BCL11A: variants seen among roughly 807,000 people sequenced by gnomAD.
BCL11A encodes B cell CLL/lymphoma 11A.
A neutral mutation model predicts 55.9 loss-of-function variants in BCL11A; 2 were observed. The observed-to-expected ratio is 0.04, with a 90% CI of 0.01 to 0.11. The LOEUF is 0.11. Among genes scored for constraint, BCL11A ranks in the 10% least tolerant of loss-of-function variants. BCL11A has a pLI of 1.00. For synonymous variants in BCL11A, 465 were observed against 473.4 expected, an observed-to-expected ratio of 0.98 and a Z score of 0.23; for missense variants, 817 against 1,137.1, an observed-to-expected ratio of 0.72 and a Z score of 4.05.
At chr2:60,502,076 G>A (rs922248146) in intron 2 of BCL11A, among the ~76,000 whole-genome samples, 1 of 152,198 alleles carries the variant, frequency 6.6e-6, no homozygotes, top group African/African-American at 2.4e-5. Context: ...TCACTCCACA[G>A]AGAAGCTGTA....
chr2:60,531,688 T>A, intron 2 of BCL11A, among the ~76,000 whole-genome samples: 1 of 152,288 alleles, frequency 6.6e-6, no homozygotes, highest in East Asian at 1.9e-4. Context: ...TGCCCTGGCA[T>A]TGGGGGGCCC....
intron 2 of BCL11A, among the ~76,000 whole-genome samples, chr2:60,486,024 C>T (rs772098189): frequency 8.5e-5 from 13 of 152,062 alleles, no homozygotes; most frequent in Non-Finnish European, 1.6e-4. Flanking sequence ...CAAAAAAAAT[C>T]TTTTTAGTAT....
In BCL11A at chr2:60,545,952, C is replaced by A; in HGVS notation, c.385+19G>T. The A allele has an allele frequency of 6.2e-7, 1 of 1,602,150 alleles. No individual in the cohort carries two copies. Among genetic ancestry groups the A allele is most frequent in the Non-Finnish European group, 8.5e-7 (1 of 1,172,192 alleles). On this transcript the variant is annotated intron_variant, in intron 2 of 3. Transcript: ENST00000642384. ...AAAAGAAAACATGCAAACAGCTTTT[C>A]TCCTTGCTTCTCATTTACCTGCTAT...
intron 2 of BCL11A, among the ~76,000 whole-genome samples, chr2:60,475,789 A>G (rs1558627421): frequency 1.3e-5 from 2 of 152,064 alleles, no homozygotes; most frequent in Non-Finnish European, 2.9e-5. Context: ...TTTGGGAGCT[A>G]CTTTCAGAGA....
At chr2:60,479,959 A>G (rs1372787793) in intron 2 of BCL11A, among the ~76,000 whole-genome samples, 2 of 152,226 alleles carry the variant, frequency 1.3e-5, no homozygotes, top group Non-Finnish European at 2.9e-5. Flanking sequence ...ACAGGTTGGG[A>G]CAACTCCACT....
chr2:60,543,588 T>C (rs940820037), intron 2 of BCL11A: 1 of 152,218 alleles, frequency 6.6e-6, no homozygotes, highest in African/African-American at 2.4e-5. Context: ...GAATGTTAAC[T>C]TCACCATAGG....
Position 60,541,932 on chromosome 2 carries a change from G to A in BCL11A, c.385+4039C>T, listed in dbSNP as rs948665347. ...TCCTCCAGTTCAGTCTGAGCTAGGA[G>A]AGAATCAGAATGGATACAAAAAGAA... On this transcript the variant is annotated intron_variant, in intron 2 of 3. Transcript: ENST00000642384. 1.1e-5 allele frequency: 8 copies of A among 705,114 alleles called. No homozygotes were observed. In the African/African-American group the frequency reaches 1.2e-4, roughly 11 times the overall value. The allele number at this position is 705,114 out of a possible 1,614,324, so 43.7% of individuals were successfully genotyped here. A position where few individuals can be genotyped will look rare whatever the true frequency, so the allele number is the denominator to read the frequency against.
intron 1 of BCL11A, among the ~76,000 whole-genome samples, chr2:60,547,393 T>C (rs1483118882): frequency 6.6e-6 from 1 of 152,044 alleles, no homozygotes; most frequent in Non-Finnish European, 1.5e-5. Context: ...CTTTTTTTTT[T>C]AACTTTGTAC....
chr2:60,492,455 G>T (rs1480946580), intron 2 of BCL11A, among the ~76,000 whole-genome samples: 2 of 152,110 alleles, frequency 1.3e-5, no homozygotes, highest in Non-Finnish European at 2.9e-5. Context: ...AACTTAGTTG[G>T]GTACTCCCTC....
In BCL11A at chr2:60,541,332, A is replaced by AT. The variant is rs556595609; in HGVS notation, c.385+4638dup. On this transcript the variant is annotated intron_variant, in intron 2 of 3. Transcript: ENST00000642384. ...TTAGGATCTTCTACATTTTAGATAT[A>AT]TTTTTTTTTTCCTTTTGGCTTTCCT... 3.0e-4 allele frequency among the ~76,000 whole-genome samples: 45 copies of AT among 150,064 alleles called. 2 individuals carry two copies. The highest frequency in any genetic ancestry group is 3.0e-3 in the South Asian group (14 of 4,720).
At position 60,461,800 on chromosome 2, in the gene BCL11A, T is replaced by C; in HGVS notation, c.1112A>G (p.Gln371Arg). The C allele has an allele frequency of 1.0e-6, 1 of 984,052 alleles. No homozygotes were observed. Among genetic ancestry groups the C allele is most frequent in the South Asian group, 1.9e-5 (1 of 51,588 alleles). 61.0% of individuals were successfully genotyped at this position (984,052 alleles called of 1,614,324 possible). A position where few individuals can be genotyped will look rare whatever the true frequency, so the allele number is the denominator to read the frequency against. Residue 371 changes from glutamine to arginine, a missense_variant, in exon 4 of 4, where the codon CAG (glutamine) becomes CGG (arginine). Gln to Arg is a conservative substitution (Grantham distance 43). Coordinates refer to ENST00000642384, the MANE Select transcript of BCL11A (RefSeq NM_022893.4). The part of the protein sequence containing the change: ...PPLQSAPPPS[Q>R]PPVKSKSCEF... ...GCATGACTTGGACTTGACCGGGGGCTGGGAGGGAGGAGGGGCGGATTGCAG... is the reference window on the plus strand; with the variant it reads ...GCATGACTTGGACTTGACCGGGGGCCGGGAGGGAGGAGGGGCGGATTGCAG...
At chr2:60,495,669 T>G (rs1678904539) in intron 2 of BCL11A, 1 of 152,274 alleles carries the variant, frequency 6.6e-6, no homozygotes, top group Non-Finnish European at 1.5e-5. Context: ...CAGACACACG[T>G]ATGTGTTGTG....
At chr2:60,552,972 T>C (rs1042173620) in intron 1 of BCL11A, among the ~76,000 whole-genome samples, 4 of 151,708 alleles carry the variant, frequency 2.6e-5, no homozygotes, top group Non-Finnish European at 5.9e-5. Context: ...AGGAGTCAAA[T>C]TTTTGTAAAA....
At position 60,468,847 on chromosome 2, in the gene BCL11A, C is replaced by G. The variant is rs963622851; in HGVS notation, c.386-14G>C. 1 of 1,567,618 alleles carries G rather than the reference C, an allele frequency of 6.4e-7. No homozygotes were observed. Among genetic ancestry groups the G allele is most frequent in the Admixed American group, 1.8e-5 (1 of 56,814 alleles). The stretch of plus-strand genomic sequence containing the variant: ...GCAGAAGTTTATCTGTGAAAGAAAC[C>G]CAAAATCAAGCACTACAGCTACAAA... On this transcript the variant is annotated splice_polypyrimidine_tract_variant and intron_variant, in intron 2 of 3. Transcript: ENST00000642384.
chr2:60,500,709 C>T (rs958954054), intron 2 of BCL11A, among the ~76,000 whole-genome samples: 1 of 152,184 alleles, frequency 6.6e-6, no homozygotes, highest in South Asian at 2.1e-4. Context: ...AAACCTGGAA[C>T]TCACAGTCGG....
intron 3 of BCL11A, among the ~76,000 whole-genome samples, chr2:60,467,974 GGTAGTGATGGTGGTGGTA>G: frequency 7.7e-6 from 1 of 130,360 alleles, no homozygotes; most frequent in African/African-American, 2.9e-5. Flanking sequence ...TGGTGGTGGT[GGTAGTGATGGTGGTGGTA>G]ATGGTGGTGG....
At chr2:60,517,230 C>T (rs577480393) in intron 2 of BCL11A, among the ~76,000 whole-genome samples, 3 of 152,286 alleles carry the variant, frequency 2.0e-5, no homozygotes, top group Middle Eastern at 3.4e-3. Flanking sequence ...AGAGGGTACA[C>T]GTTCCTTCAC....
In BCL11A at chr2:60,451,689, C is replaced by G. The variant is rs886626127; in HGVS notation, c.*886G>C. On this transcript the variant is annotated 3_prime_UTR_variant, in exon 5 of 5. Transcript: ENST00000356842. ...TAAAATTAGAATATTTAATAAGAAA[C>G]TACTGACATTTATCACCTTCTTTAG... The G allele has an allele frequency of 1.3e-5, 3 of 230,262 alleles. No individual in the cohort carries two copies. In the Admixed American group the frequency reaches 1.7e-4, roughly 13 times the overall value. 14.3% of individuals were successfully genotyped at this position (230,262 alleles called of 1,614,324 possible).
At chr2:60,535,849 A>G (rs1352359520) in intron 2 of BCL11A, 2 of 152,250 alleles carry the variant, frequency 1.3e-5, no homozygotes, top group East Asian at 3.8e-4. Context: ...ACCCACCACC[A>G]CCATCCCACC....
Sources: allele counts gnomAD v4.1 joint callset (sites outside exome capture counted in the v4.1 genomes callset), GRCh38; gene constraint gnomAD v4.1.1; transcripts MANE v1.5; gene names NCBI Gene and HGNC (gene_info 2026-07-23, HGNC 2026-07-21).